The following DNAAF11 variants were observed in gnomAD, a reference collection of about 807,000 sequenced individuals.
The protein encoded by DNAAF11 is leucine rich repeat containing 6.
A neutral mutation model predicts 60.8 loss-of-function variants in DNAAF11; 45 were observed. That is an observed-to-expected ratio of 0.74 (90% CI 0.58 to 0.95). The LOEUF is 0.95. Among genes scored for constraint, DNAAF11 ranks in the 40% least tolerant of loss-of-function variants. DNAAF11 has a pLI of 0.00. For synonymous variants in DNAAF11, 191 were observed against 183.5 expected (o/e 1.04, Z -0.33); for missense variants, 546 against 546.2 (o/e 1.00, Z 0.00).
chr8:132,675,017 G>C (rs1000442416), intron 1 of DNAAF11, among the ~76,000 whole-genome samples: 1 of 152,212 alleles, frequency 6.6e-6, no homozygotes, highest in Non-Finnish European at 1.5e-5. Context: ...CACAGGAAGA[G>C]GGAGGACTTC....
At chr8:132,574,671 T>C (rs1470721416) in intron 11 of DNAAF11, among the ~76,000 whole-genome samples, 1 of 152,264 alleles carries the variant, frequency 6.6e-6, no homozygotes, top group Non-Finnish European at 1.5e-5. Context: ...TGTGATTATA[T>C]GCTGAGTCCT....
Position 132,632,726 on chromosome 8 carries a change from A to T in DNAAF11, c.653+14T>A. ...ACAAAAGTTAACTAGAAAGTAAACT[A>T]ATAATTTACATACAGAGTAGCATTG... is the stretch of plus-strand genomic sequence containing the variant. On this transcript the variant is annotated intron_variant, in intron 5 of 11. Transcript: ENST00000620350. 1 of 1,578,290 alleles carries T rather than the reference A, an allele frequency of 6.3e-7. No individual in the cohort carries two copies. The highest frequency in any genetic ancestry group is 1.1e-5 in the South Asian group (1 of 90,018).
intron 8 of DNAAF11, among the ~76,000 whole-genome samples, chr8:132,612,266 G>A (rs933059948): frequency 3.3e-5 from 5 of 152,136 alleles, no homozygotes; most frequent in Admixed American, 3.3e-4. Flanking sequence ...TACATAGCTA[G>A]TGTTAATAAA....
intron 3 of DNAAF11, among the ~76,000 whole-genome samples, chr8:132,652,650 A>G (rs1823133023): frequency 6.6e-6 from 1 of 152,194 alleles, no homozygotes. Context: ...AGGGACATGG[A>G]TGACGCTGGA....
the DNAAF11 span, among the ~76,000 whole-genome samples, chr8:132,694,661 G>A: frequency 2.6e-5 from 4 of 152,236 alleles, no homozygotes; most frequent in Non-Finnish European, 5.9e-5. Flanking sequence ...GAAGACAGTA[G>A]AGGGACAGAT....
the DNAAF11 span, among the ~76,000 whole-genome samples, chr8:132,685,636 A>T: frequency 6.6e-6 from 1 of 152,202 alleles, no homozygotes; most frequent in African/African-American, 2.4e-5. Context: ...CCAAAAGCAG[A>T]GAGAGGTCTT....
chr8:132,672,871 T>C (rs1825319926), intron 1 of DNAAF11, among the ~76,000 whole-genome samples: 1 of 152,158 alleles, frequency 6.6e-6, no homozygotes, highest in Non-Finnish European at 1.5e-5. Context: ...ACTGGCTGAA[T>C]CAATGTTCCC....
chr8:132,585,541 G>GA (rs1198611095), intron 10 of DNAAF11, among the ~76,000 whole-genome samples: 6 of 151,962 alleles, frequency 3.9e-5, no homozygotes, highest in Admixed American at 6.6e-5. Flanking sequence ...AGCTCCAGAA[G>GA]AAAAAAATAA....
intron 10 of DNAAF11, among the ~76,000 whole-genome samples, chr8:132,602,994 A>G (rs1817783614): frequency 6.6e-6 from 1 of 152,004 alleles, no homozygotes; most frequent in African/African-American, 2.4e-5. Flanking sequence ...AAAGGTTACA[A>G]TCCTTCAGAA....
chr8:132,592,615 T>C (rs1816583497), intron 10 of DNAAF11, among the ~76,000 whole-genome samples: 1 of 152,152 alleles, frequency 6.6e-6, no homozygotes, highest in Non-Finnish European at 1.5e-5. Context: ...AAGGAGAAAC[T>C]GGCACCATAA....
the DNAAF11 span, among the ~76,000 whole-genome samples, chr8:132,685,664 G>C: frequency 6.6e-6 from 1 of 152,186 alleles, no homozygotes. Context: ...ATCTTCTACA[G>C]TTCACACTTG....
At chr8:132,641,825 ACT>A (rs984658751) in intron 3 of DNAAF11, among the ~76,000 whole-genome samples, 1 of 152,208 alleles carries the variant, frequency 6.6e-6, no homozygotes, top group African/African-American at 2.4e-5. Flanking sequence ...GGTTAAGCAA[ACT>A]CTAATACATC....
At chr8:132,637,065 T>A (rs1194892102) in intron 4 of DNAAF11, among the ~76,000 whole-genome samples, 1 of 152,212 alleles carries the variant, frequency 6.6e-6, no homozygotes, top group South Asian at 2.1e-4. Flanking sequence ...TTCTCTGTTG[T>A]ATGATTTCTC....
At chr8:132,694,085 C>G in the DNAAF11 span, among the ~76,000 whole-genome samples, 87 of 152,222 alleles carry the variant, frequency 5.7e-4, 3 homozygotes, top group African/African-American at 2.1e-3. Context: ...GAGGCAATTG[C>G]AGTAAATTAA....
chr8:132,592,598 T>C (rs558082098), intron 10 of DNAAF11, among the ~76,000 whole-genome samples: 65 of 152,288 alleles, frequency 4.3e-4, no homozygotes, highest in African/African-American at 1.5e-3. Flanking sequence ...ACTAACAGGC[T>C]TTATAAAAGG....
chr8:132,575,787 C>T (rs148615189), intron 11 of DNAAF11, among the ~76,000 whole-genome samples: 2 of 152,236 alleles, frequency 1.3e-5, no homozygotes, highest in African/African-American at 2.4e-5. Flanking sequence ...TAACCTGTTA[C>T]CTTCAGAGAG....
chr8:132,641,118 A>G (rs1453820803), intron 3 of DNAAF11, among the ~76,000 whole-genome samples: 1 of 152,188 alleles, frequency 6.6e-6, no homozygotes, highest in African/African-American at 2.4e-5. Context: ...GAATGATGGA[A>G]TGAAAACAAG....
chr8:132,595,816 G>C (rs1402272368), intron 10 of DNAAF11, among the ~76,000 whole-genome samples: 1 of 152,208 alleles, frequency 6.6e-6, no homozygotes, highest in Admixed American at 6.5e-5. Flanking sequence ...TATGGAGAAA[G>C]TATCAAAGAG....
chr8:132,601,719 C>T (rs1382659307), intron 10 of DNAAF11, among the ~76,000 whole-genome samples: 1 of 151,850 alleles, frequency 6.6e-6, no homozygotes, highest in Non-Finnish European at 1.5e-5. Context: ...GGGAATTGAA[C>T]AATGAGAACA....
Sources: gnomAD v4.1 joint callset for allele counts (sites outside exome capture counted in the v4.1 genomes callset) on GRCh38, gnomAD v4.1.1 for gene constraint, MANE v1.5 for transcripts, NCBI Gene and HGNC (gene_info 2026-07-23, HGNC 2026-07-21) for gene names.